Variants in PSD3 observed in about 807,000 individuals in gnomAD.
PSD3 encodes the protein pleckstrin and Sec7 domain containing 3.
PSD3 carries 49 observed loss-of-function variants against 105.5 expected under a neutral mutation model. The observed-to-expected ratio is 0.46, with a 90% confidence interval of 0.37 to 0.59. The LOEUF is 0.59. Among genes scored for constraint, PSD3 ranks in the 20% least tolerant of loss-of-function variants. The pLI is 0.00. For missense variants in PSD3, 1,561 were observed against 1,263.8 expected (o/e 1.24, Z -3.57); for synonymous variants, 557 against 457.8 (o/e 1.22, Z -2.77).
intron 4 of PSD3, among the ~76,000 whole-genome samples, chr8:18,836,376 C>A (rs1329802891): frequency 6.6e-6 from 1 of 152,182 alleles, no homozygotes; most frequent in African/African-American, 2.4e-5. Context: ...TACCTTTACA[C>A]CATAGAATAC....
intron 11 of PSD3, among the ~76,000 whole-genome samples, chr8:18,603,337 A>G (rs1444320046): frequency 6.6e-6 from 1 of 151,924 alleles, no homozygotes; most frequent in Non-Finnish European, 1.5e-5. Flanking sequence ...ATAACATGCT[A>G]CTGTCAGTTT....
At chr8:18,624,346 A>C (rs1297973413) in intron 11 of PSD3, among the ~76,000 whole-genome samples, 1 of 151,992 alleles carries the variant, frequency 6.6e-6, no homozygotes, top group African/African-American at 2.4e-5. Context: ...CTTGAATATC[A>C]ATAAGGTTGA....
intron 12 of PSD3, among the ~76,000 whole-genome samples, chr8:18,583,367 G>A (rs546611565): frequency 2.3e-4 from 35 of 152,240 alleles, no homozygotes; most frequent in Middle Eastern, 3.4e-3. Context: ...TGGGGTCAAG[G>A]CTGCAGTGAG....
intron 10 of PSD3, among the ~76,000 whole-genome samples, chr8:18,653,159 G>C (rs573391974): frequency 6.6e-6 from 1 of 151,962 alleles, no homozygotes; most frequent in South Asian, 2.1e-4. Flanking sequence ...TTCCACAGGA[G>C]GAAACACTGA....
chr8:18,823,864 A>G (rs1037323596), intron 4 of PSD3, among the ~76,000 whole-genome samples: 8 of 152,074 alleles, frequency 5.3e-5, no homozygotes, highest in Non-Finnish European at 7.4e-5. Context: ...AAGGCGGCCT[A>G]GAAAGCACTA....
At chr8:19,003,635 G>C (rs1425689963) in intron 1 of PSD3, among the ~76,000 whole-genome samples, 1 of 151,976 alleles carries the variant, frequency 6.6e-6, no homozygotes, top group African/African-American at 2.4e-5. Flanking sequence ...TAAAAGAGGA[G>C]GGAAGAAGGA....
intron 2 of PSD3, among the ~76,000 whole-genome samples, chr8:18,915,556 T>G (rs1243772570): frequency 6.6e-6 from 1 of 152,124 alleles, no homozygotes; most frequent in African/African-American, 2.4e-5. Flanking sequence ...AAACCTCCTA[T>G]GGGCAAAGGA....
chr8:18,871,752 C>G lies in PSD3; in HGVS notation c.1112G>C (p.Arg371Thr), dbSNP rs1364123163. The change falls in exon 3 of 16, where the codon AGG (arginine) becomes ACG (threonine). Residue 371 changes from arginine to threonine, a missense_variant. Transcript: ENST00000327040. Reference protein sequence around the residue: ...WDESWKAPSERPGTSSGTFSP... With the variant: ...WDESWKAPSETPGTSSGTFSP... ...AAATGTCCCCGAGCTAGTGCCAGGCCTCTCTGAAGGAGCTTTCCAGGATTC... is the reference window on the plus strand; with the variant it reads ...AAATGTCCCCGAGCTAGTGCCAGGCGTCTCTGAAGGAGCTTTCCAGGATTC... The G allele has an allele frequency of 6.2e-7, 1 of 1,614,188 alleles. No homozygotes were observed. Among genetic ancestry groups the G allele is most frequent in the Non-Finnish European group, 8.5e-7 (1 of 1,180,032 alleles).
At chr8:18,868,144 A>C (rs1817089460) in intron 3 of PSD3, 75 bp from the exon 4 acceptor site, 2 of 1,419,202 alleles carry the variant, frequency 1.4e-6, no homozygotes, top group African/African-American at 2.9e-5. Flanking sequence ...ACCATATAAA[A>C]AGGACAACAT....
chr8:18,982,401 G>A (rs1825289541), intron 1 of PSD3, among the ~76,000 whole-genome samples: 1 of 152,048 alleles, frequency 6.6e-6, no homozygotes, highest in African/African-American at 2.4e-5. Context: ...GTATTTTGAT[G>A]TCCTCCAATG....
chr8:18,616,835 G>C (rs1289254553), intron 11 of PSD3, among the ~76,000 whole-genome samples: 1 of 151,338 alleles, frequency 6.6e-6, no homozygotes, highest in Non-Finnish European at 1.5e-5. Flanking sequence ...GTTTTAGCCG[G>C]GATGGTCTCG....
In PSD3 at chr8:18,531,767, A is replaced by G. The variant is rs117078580; in HGVS notation, c.*3976T>C. On this transcript the variant is annotated 3_prime_UTR_variant, in exon 16 of 16. Transcript: ENST00000327040. The stretch of plus-strand genomic sequence containing the variant: ...CATAAACTAGACTTCAGGTTTAACA[A>G]CTCTTAGGATGCCACTTTGGTTCTT... 3.3e-5 allele frequency: 5 copies of G among 152,336 alleles called. No individual in the cohort carries two copies. The South Asian group carries it at 8.3e-4, about 25-fold the overall frequency. The allele number at this position is 152,336 out of a possible 1,614,324, so 9.4% of individuals were successfully genotyped here. A position where few individuals can be genotyped will look rare whatever the true frequency, so the allele number is the denominator to read the frequency against.
intron 1 of PSD3, among the ~76,000 whole-genome samples, chr8:18,973,860 G>C (rs1042395441): frequency 3.9e-5 from 6 of 152,122 alleles, no homozygotes; most frequent in Non-Finnish European, 7.4e-5. Flanking sequence ...ACCAAACTTT[G>C]TGCTGATCAA....
rs1305631953 is a variant in PSD3 at position 18,594,312 on chromosome 8, AT to A, written c.2481+6051del. Among the ~76,000 whole-genome samples, 11 of 42,114 alleles carry A rather than the reference AT, an allele frequency of 2.6e-4. 1 individual carries two copies. The highest frequency in any genetic ancestry group is 1.9e-3 in the South Asian group (2 of 1,032). The allele number at this position is 42,114 out of a possible 152,430, so 27.6% of individuals were successfully genotyped here. A position where few individuals can be genotyped will look rare whatever the true frequency, so the allele number is the denominator to read the frequency against. On this transcript the variant is annotated intron_variant, in intron 12 of 15. Transcript: ENST00000327040. Reference sequence around the variant, plus strand: ...TATATTATATATAATAATATATATTATTATATATAATATATATTATAATATA... The same window carrying A: ...TATATTATATATAATAATATATATTATATATATAATATATATTATAATATA...
chr8:18,961,810 C>T (rs1823946110), intron 1 of PSD3, among the ~76,000 whole-genome samples: 1 of 152,074 alleles, frequency 6.6e-6, no homozygotes, highest in Non-Finnish European at 1.5e-5. Flanking sequence ...AGATATACCG[C>T]CTAACAAAAC....
intron 10 of PSD3, among the ~76,000 whole-genome samples, chr8:18,646,666 A>T (rs564561394): frequency 6.6e-6 from 1 of 152,174 alleles, no homozygotes. Flanking sequence ...CAACTAAATC[A>T]GTCTAAACTA....
At chr8:19,036,254 T>A (rs1827940242) in intron 1 of PSD3, among the ~76,000 whole-genome samples, 1 of 152,090 alleles carries the variant, frequency 6.6e-6, no homozygotes, top group Non-Finnish European at 1.5e-5. Flanking sequence ...CCAAATCTTG[T>A]CAACTTCCCC....
intron 9 of PSD3, among the ~76,000 whole-genome samples, chr8:18,707,076 G>A (rs545620371): frequency 7.2e-5 from 11 of 151,998 alleles, no homozygotes; most frequent in African/African-American, 2.2e-4. Context: ...TTCCTATTAC[G>A]CTTATTCCCA....
chr8:18,630,671 T>C (rs1486226857), intron 11 of PSD3, among the ~76,000 whole-genome samples: 1 of 151,838 alleles, frequency 6.6e-6, no homozygotes, highest in Admixed American at 6.6e-5. Context: ...CTTTTTTTTT[T>C]CTCTAGTACT....
Sources: gnomAD v4.1 joint callset for allele counts (sites outside exome capture counted in the v4.1 genomes callset) on GRCh38, gnomAD v4.1.1 for gene constraint, MANE v1.5 for transcripts, NCBI Gene and HGNC (gene_info 2026-07-23, HGNC 2026-07-21) for gene names.